The following FGF12 variants were observed in gnomAD, a reference collection of about 807,000 sequenced individuals.
The protein encoded by FGF12 is fibroblast growth factor 12B.
FGF12 carries 14 observed loss-of-function variants against 23.6 expected under a neutral mutation model. That is an observed-to-expected ratio of 0.59 (90% CI 0.39 to 0.93). The LOEUF is 0.93. Among genes scored for constraint, FGF12 ranks in the 40% least tolerant of loss-of-function variants. FGF12 has a pLI of 0.00. For synonymous variants in FGF12, 62 were observed against 77.3 expected (o/e 0.80, Z 1.04); for missense variants, 175 against 217.8 (o/e 0.80, Z 1.24).
At chr3:192,249,347 T>A (rs536761889) in intron 4 of FGF12, among the ~76,000 whole-genome samples, 11 of 152,280 alleles carry the variant, frequency 7.2e-5, no homozygotes, top group African/African-American at 2.4e-4. Flanking sequence ...TCGATAAACG[T>A]GTGTAAAAGA....
chr3:192,342,985 A>G (rs1488125053), intron 3 of FGF12, among the ~76,000 whole-genome samples: 8 of 151,856 alleles, frequency 5.3e-5, no homozygotes, highest in Non-Finnish European at 8.8e-5. Flanking sequence ...GAAGAAGAGG[A>G]AGAGAGGGAG....
At position 192,360,496 on chromosome 3, in the gene FGF12, T is replaced by C; in HGVS notation, c.56A>G (p.Gln19Arg). 1.2e-6 allele frequency: 2 copies of C among 1,614,052 alleles called. No individual in the cohort carries two copies. The highest frequency in any genetic ancestry group is 4.5e-5 in the East Asian group (2 of 44,864). ...TGGGTGCATCTGCAGGAAGTATCCC[T>C]GCTGGCTGAATAACCTTGTCACAAT... ...KGIVTRLFSQ[Q>R]GYFLQMHPDG... The change falls in exon 3 of 6, where the codon CAG (glutamine) becomes CGG (arginine). Residue 19 changes from glutamine to arginine, a missense_variant. Transcript: ENST00000445105. The surrounding 1 kb of genome is among the most constrained non-coding windows in gnomAD (Gnocchi z 4.3).
In FGF12 at chr3:192,572,644, C is replaced by T. The variant is rs148667687; in HGVS notation, c.13+154537G>A. ...GTTTTATGCACAGACAAATACCACT[C>T]ACTGGGGCCAAATACACAGTAACAA... On this transcript the variant is annotated intron_variant, in intron 2 of 5. Coordinates refer to ENST00000445105, the MANE Select transcript of FGF12 (RefSeq NM_004113.6). Among the ~76,000 whole-genome samples the T allele has an allele frequency of 2.6e-3, 403 of 152,290 alleles. 1 individual carries two copies. Among genetic ancestry groups the T allele is most frequent in the African/African-American group, 9.4e-3 (391 of 41,550 alleles).
At chr3:192,617,484 C>T (rs1233521910) in intron 2 of FGF12, among the ~76,000 whole-genome samples, 1 of 152,044 alleles carries the variant, frequency 6.6e-6, no homozygotes, top group East Asian at 1.9e-4. Flanking sequence ...TCCAACTTGA[C>T]CATTCTGGTT....
At chr3:192,181,570 C>T (rs984884104) in intron 4 of FGF12, among the ~76,000 whole-genome samples, 4 of 151,064 alleles carry the variant, frequency 2.6e-5, no homozygotes, top group Non-Finnish European at 5.9e-5. Flanking sequence ...TGGTCAGTTA[C>T]GCAGATAGTA....
intron 2 of FGF12, among the ~76,000 whole-genome samples, chr3:192,405,684 C>G (rs1013747601): frequency 2.6e-5 from 4 of 152,164 alleles, no homozygotes; most frequent in Admixed American, 2.6e-4. Flanking sequence ...TGGTGTTTAG[C>G]AACTTCCTCC....
At chr3:192,640,693 A>G (rs1715759500) in intron 2 of FGF12, among the ~76,000 whole-genome samples, 1 of 152,314 alleles carries the variant, frequency 6.6e-6, no homozygotes, top group African/African-American at 2.4e-5. Flanking sequence ...TCATTTTTCT[A>G]TATACAATTT....
intron 2 of FGF12, among the ~76,000 whole-genome samples, chr3:192,670,224 C>T (rs900629118): frequency 3.3e-5 from 5 of 151,946 alleles, no homozygotes; most frequent in Middle Eastern, 3.2e-3. Context: ...TAAAATAATG[C>T]TATTCTTCAC....
chr3:192,536,597 T>G (rs1207377266), intron 2 of FGF12, among the ~76,000 whole-genome samples: 1 of 152,122 alleles, frequency 6.6e-6, no homozygotes, highest in Non-Finnish European at 1.5e-5. Context: ...TGTTGAGAAT[T>G]TTCTAAGACA....
intron 2 of FGF12, among the ~76,000 whole-genome samples, chr3:192,464,279 C>T (rs542343187): frequency 6.6e-6 from 1 of 152,184 alleles, no homozygotes; most frequent in East Asian, 1.9e-4. Flanking sequence ...TCTTGTATCC[C>T]TCACCCCCCT....
At chr3:192,699,864 G>A (rs1235050688) in intron 2 of FGF12, among the ~76,000 whole-genome samples, 2 of 152,150 alleles carry the variant, frequency 1.3e-5, no homozygotes, top group Non-Finnish European at 2.9e-5. Flanking sequence ...TAGGAGGAAG[G>A]CCTGAGAGAC....
chr3:192,634,109 C>G (rs1191571235), intron 2 of FGF12, among the ~76,000 whole-genome samples: 1 of 151,642 alleles, frequency 6.6e-6, no homozygotes, highest in Non-Finnish European at 1.5e-5. Flanking sequence ...TAATTTTCAT[C>G]ATACTTTATT....
intron 2 of FGF12, among the ~76,000 whole-genome samples, chr3:192,665,783 A>T (rs78847645): frequency 1.6e-4 from 18 of 113,328 alleles, no homozygotes; most frequent in African/African-American, 5.8e-4. Flanking sequence ...TTAAAGTAAA[A>T]TTTTTAAAAA....
chr3:192,721,785 C>T (rs1719047299), intron 2 of FGF12, among the ~76,000 whole-genome samples: 1 of 152,134 alleles, frequency 6.6e-6, no homozygotes, highest in Admixed American at 6.5e-5. Context: ...AGATACATAG[C>T]TTGAGTTCAA....
chr3:192,304,603 T>C (rs1715521041), intron 4 of FGF12, among the ~76,000 whole-genome samples: 1 of 152,176 alleles, frequency 6.6e-6, no homozygotes, highest in Non-Finnish European at 1.5e-5. Flanking sequence ...TAATATTTAA[T>C]ATTAAAAAGG....
intron 2 of FGF12, among the ~76,000 whole-genome samples, chr3:192,447,907 C>G (rs1006051089): frequency 6.6e-6 from 1 of 152,196 alleles, no homozygotes; most frequent in Non-Finnish European, 1.5e-5. Flanking sequence ...GGCAATACCC[C>G]CAAAGGTAAT....
intron 2 of FGF12, among the ~76,000 whole-genome samples, chr3:192,598,391 T>C (rs1713956796): frequency 6.6e-6 from 1 of 152,198 alleles, no homozygotes; most frequent in African/African-American, 2.4e-5. Flanking sequence ...TCATTGCTTG[T>C]ATAATTTATA....
In FGF12 at chr3:192,433,564, GT is replaced by G; in HGVS notation, c.14-73027del. On this transcript the variant is annotated intron_variant, in intron 2 of 5. Transcript: ENST00000445105. ...AATGTTTTCATCCTGTAACATAAAT[GT>G]TAACAATATTTTCTGTAAAACAGAT... Among the ~76,000 whole-genome samples, 5 of 152,194 alleles carry G rather than the reference GT, an allele frequency of 3.3e-5. No homozygotes were observed. The South Asian group carries it at 1.0e-3, about 32-fold the overall frequency.
At chr3:192,374,744 A>G (rs1289833789) in intron 2 of FGF12, among the ~76,000 whole-genome samples, 1 of 152,144 alleles carries the variant, frequency 6.6e-6, no homozygotes, top group Non-Finnish European at 1.5e-5. Context: ...TGACTGCCCA[A>G]TGGCTCACCC....
Sources: gnomAD v4.1 joint callset for allele counts (sites outside exome capture counted in the v4.1 genomes callset) on GRCh38, gnomAD v4.1.1 for gene constraint, Gnocchi (gnomAD v3.1) non-coding constraint, MANE v1.5 for transcripts, NCBI Gene and HGNC (gene_info 2026-07-23, HGNC 2026-07-21) for gene names.